OTUD7A: variants seen among roughly 807,000 people sequenced by gnomAD.
OTUD7A encodes the protein OTU deubiquitinase 7A, also known as OTU domain-containing protein 7A.
Under a neutral mutation model 65.7 loss-of-function variants are expected in OTUD7A, and 12 were observed. The ratio of observed to expected loss-of-function variants is 0.18; its 90% CI spans 0.12 to 0.30. The LOEUF (loss-of-function observed/expected upper bound fraction) is 0.30. Ranked by LOEUF, OTUD7A falls within the 10% of genes least tolerant of loss-of-function variation. The pLI is 1.00. For missense variants in OTUD7A, 1,148 were observed against 1,304.8 expected, an observed-to-expected ratio of 0.88 and a Z score of 1.85; for synonymous variants, 641 against 586.3, an observed-to-expected ratio of 1.09 and a Z score of -1.35.
intron 3 of OTUD7A, among the ~76,000 whole-genome samples, chr15:31,610,596 TA>T (rs1292429011): frequency 2.5e-5 from 1 of 40,202 alleles, no homozygotes; most frequent in African/African-American, 9.2e-5. Flanking sequence ...AATGAAATTA[TA>T]TATATATATA....
intron 1 of OTUD7A, among the ~76,000 whole-genome samples, chr15:31,786,172 C>A (rs1252515958): frequency 6.6e-6 from 1 of 152,172 alleles, no homozygotes; most frequent in African/African-American, 2.4e-5. Context: ...TGCAGCTCTT[C>A]AACCTTGGAC....
At chr15:31,820,352 G>A (rs143894791) in intron 1 of OTUD7A, among the ~76,000 whole-genome samples, 340 of 152,194 alleles carry the variant, frequency 2.2e-3, no homozygotes, top group Middle Eastern at 0.01. Context: ...GTTAAATCCC[G>A]TTTTATCCTG....
At chr15:31,573,892 C>T (rs371569142) in intron 3 of OTUD7A, among the ~76,000 whole-genome samples, 1 of 152,132 alleles carries the variant, frequency 6.6e-6, no homozygotes, top group African/African-American at 2.4e-5. Context: ...CAGAGCAAGA[C>T]TCCGTCTCAA....
At chr15:31,824,730 A>G (rs1567042286) in intron 1 of OTUD7A, among the ~76,000 whole-genome samples, 1 of 152,206 alleles carries the variant, frequency 6.6e-6, no homozygotes, top group Non-Finnish European at 1.5e-5. Flanking sequence ...CATCATTTAC[A>G]TCACATACTT....
intron 3 of OTUD7A, among the ~76,000 whole-genome samples, chr15:31,577,645 T>TG (rs1173499175): frequency 2.0e-5 from 3 of 152,198 alleles, no homozygotes. Flanking sequence ...GACTGTTCCC[T>TG]GGGTCATGGT....
In OTUD7A at chr15:31,821,160, G is replaced by A. The variant is rs1285053192; in HGVS notation, c.-100+49347C>T. Among the ~76,000 whole-genome samples, 6 of 119,196 alleles carry A rather than the reference G, an allele frequency of 5.0e-5. No homozygotes were observed. The East Asian group carries it at 7.2e-4, about 14-fold the overall frequency. The allele number at this position is 119,196 out of a possible 152,430, so 78.2% of individuals were successfully genotyped here. A position where few individuals can be genotyped will look rare whatever the true frequency, so the allele number is the denominator to read the frequency against. On this transcript the variant is annotated intron_variant, in intron 1 of 12. Transcript: ENST00000307050. Reference sequence around the variant, plus strand: ...TTTTTTTTTTTTTTTTTTTTGAGACGGAGTCTTGCTCTGTCACCAGGCTGG... The same window carrying A: ...TTTTTTTTTTTTTTTTTTTTGAGACAGAGTCTTGCTCTGTCACCAGGCTGG...
At chr15:31,737,236 T>C (rs1012965390) in intron 1 of OTUD7A, among the ~76,000 whole-genome samples, 2 of 151,928 alleles carry the variant, frequency 1.3e-5, no homozygotes, top group Non-Finnish European at 2.9e-5. Flanking sequence ...CTTAGAAAAA[T>C]CGTTGAAACA....
At chr15:31,776,606 C>T (rs1895387916) in intron 1 of OTUD7A, among the ~76,000 whole-genome samples, 1 of 152,206 alleles carries the variant, frequency 6.6e-6, no homozygotes, top group Admixed American at 6.5e-5. Flanking sequence ...CTGCCTTCCT[C>T]TACTAAAGCT....
chr15:31,619,919 T>C (rs1303627857), intron 3 of OTUD7A, among the ~76,000 whole-genome samples: 1 of 152,226 alleles, frequency 6.6e-6, no homozygotes, highest in Non-Finnish European at 1.5e-5. Flanking sequence ...TAGATAGCTC[T>C]TATTATTTCG....
intron 1 of OTUD7A, among the ~76,000 whole-genome samples, chr15:31,738,557 A>C (rs1031099351): frequency 6.6e-6 from 1 of 152,132 alleles, no homozygotes; most frequent in Non-Finnish European, 1.5e-5. Context: ...TAATTTGACA[A>C]CCCAGGAGGA....
rs2041717891 is a variant in OTUD7A at position 31,511,102 on chromosome 15, ATCTATATGTAACATACATATG to A, written c.894-7305_894-7285del. On this transcript the variant is annotated intron_variant, in intron 8 of 12. Transcript: ENST00000307050. The stretch of plus-strand genomic sequence containing the variant: ...ATCTATATGTAACATACATATGTAT[ATCTATATGTAACATACATATG>A]TATATCTATATGTAACATACATATG... Among the ~76,000 whole-genome samples the A allele has an allele frequency of 5.2e-5, 2 of 38,328 alleles. 1 individual carries two copies. The highest frequency in any genetic ancestry group is 3.5e-4 in the African/African-American group (2 of 5,738). The allele number at this position is 38,328 out of a possible 152,430, so 25.1% of individuals were successfully genotyped here. A position where few individuals can be genotyped will look rare whatever the true frequency, so the allele number is the denominator to read the frequency against.
intron 5 of OTUD7A, 118 bp downstream of exon 5, chr15:31,558,851 A>C: frequency 8.8e-7 from 1 of 1,137,104 alleles, no homozygotes; most frequent in South Asian, 1.4e-5. Flanking sequence ...TAGAATCCTA[A>C]CTGAAAACTG....
intron 2 of OTUD7A, among the ~76,000 whole-genome samples, chr15:31,656,482 T>A (rs1349692337): frequency 6.6e-6 from 1 of 152,174 alleles, no homozygotes; most frequent in Non-Finnish European, 1.5e-5. Flanking sequence ...ACAGAGACCC[T>A]TAAGGTCCAC....
intron 1 of OTUD7A, among the ~76,000 whole-genome samples, chr15:31,666,650 G>T (rs1042823040): frequency 1.2e-4 from 18 of 151,908 alleles, no homozygotes; most frequent in African/African-American, 4.1e-4. Context: ...CTCTGATCTT[G>T]GTTATTTCCT....
At chr15:31,564,387 G>GATATTTTTTTTTTT (rs1888794895) in intron 4 of OTUD7A, among the ~76,000 whole-genome samples, 1 of 119,910 alleles carries the variant, frequency 8.3e-6, no homozygotes, top group Non-Finnish European at 1.9e-5. Context: ...TTTGAGGAAG[G>GATATTTTTTTTTTT]TTTTTTTTTT....
chr15:31,869,677 G>A (rs1897973261), intron 1 of OTUD7A, among the ~76,000 whole-genome samples: 1 of 152,168 alleles, frequency 6.6e-6, no homozygotes, highest in African/African-American at 2.4e-5. Flanking sequence ...AAAGTCATTT[G>A]CACTTGTGTG....
At chr15:31,581,331 G>T (rs186757603) in intron 3 of OTUD7A, among the ~76,000 whole-genome samples, 3 of 152,216 alleles carry the variant, frequency 2.0e-5, no homozygotes, top group African/African-American at 7.2e-5. Context: ...AGTGCAAGCT[G>T]TTGGTGGATC....
intron 1 of OTUD7A, among the ~76,000 whole-genome samples, chr15:31,811,660 T>C (rs1896420549): frequency 6.6e-6 from 1 of 151,930 alleles, no homozygotes; most frequent in Non-Finnish European, 1.5e-5. Context: ...CGGGTGCTGG[T>C]TAAAGGGTAG....
chr15:31,841,975 A>G (rs975904279), intron 1 of OTUD7A, among the ~76,000 whole-genome samples: 4 of 152,202 alleles, frequency 2.6e-5, no homozygotes, highest in Non-Finnish European at 5.9e-5. Context: ...TAGAATGTCC[A>G]AAGCCATACT....
Sources: allele counts gnomAD v4.1 joint callset (sites outside exome capture counted in the v4.1 genomes callset), GRCh38; gene constraint gnomAD v4.1.1; transcripts MANE v1.5; gene names NCBI Gene and HGNC (gene_info 2026-07-23, HGNC 2026-07-21).